CDHR2: variants seen among roughly 807,000 people sequenced by gnomAD.
CDHR2 encodes cadherin-related family member 2.
CDHR2 carries 104 observed loss-of-function variants against 138.6 expected under a neutral mutation model. The observed-to-expected ratio is 0.75, with a 90% confidence interval of 0.64 to 0.88. CDHR2 has a LOEUF of 0.88. CDHR2 is among the 40% of genes least tolerant of loss of function. The pLI, the probability that CDHR2 is intolerant of heterozygous loss-of-function variation, is 0.00. For missense variants in CDHR2, 1,624 were observed against 1,727.6 expected (o/e 0.94, Z 1.06); for synonymous variants, 755 against 742.8 (o/e 1.02, Z -0.27).
intron 1 of CDHR2, among the ~76,000 whole-genome samples, chr5:176,550,175 G>A (rs930171098): frequency 5.9e-5 from 9 of 152,248 alleles, no homozygotes; most frequent in African/African-American, 2.2e-4. Flanking sequence ...ATGGAAACAA[G>A]TCATGGCCCG....
At chr5:176,547,360 T>A (rs1218321071), upstream of CDHR2, 3 of 152,106 alleles carry the variant, frequency 2.0e-5, no homozygotes, top group Non-Finnish European at 2.9e-5. Flanking sequence ...AGAACCTGAT[T>A]CATGACCCAT....
At chr5:176,590,229 C>G (rs368195554) in intron 25 of CDHR2, 24 bp from the exon 26 acceptor site, 3 of 1,613,866 alleles carry the variant, frequency 1.9e-6, no homozygotes, top group Non-Finnish European at 2.5e-6. Context: ...AGGCTCCTGA[C>G]TCTTCAACTC....
chr5:176,569,192 T>C (rs1389007499), intron 5 of CDHR2, among the ~76,000 whole-genome samples, 182 bp downstream of exon 5: 1 of 152,056 alleles, frequency 6.6e-6, no homozygotes, highest in East Asian at 1.9e-4. Context: ...ATTTTTAAAA[T>C]TTATTTAAAT....
chr5:176,546,449 G>A (rs1195345438), upstream of CDHR2, among the ~76,000 whole-genome samples: 2 of 151,962 alleles, frequency 1.3e-5, no homozygotes, highest in Non-Finnish European at 1.5e-5. Context: ...TTGTGCTCAG[G>A]ACTTCAAATG....
At chr5:176,546,956 CTA>C (rs1757597556), upstream of CDHR2, among the ~76,000 whole-genome samples, 1 of 147,492 alleles carries the variant, frequency 6.8e-6, no homozygotes, top group African/African-American at 2.5e-5. Flanking sequence ...CAGAGCCTGG[CTA>C]TACGCAAAGT....
Position 176,575,824 on chromosome 5 carries a change from G to A in CDHR2, c.945G>A (p.Val315=), listed in dbSNP as rs1276733542. The A allele has an allele frequency of 5.2e-6, 8 of 1,550,846 alleles. No homozygotes were observed. Among genetic ancestry groups the A allele is most frequent in the Non-Finnish European group, 7.0e-6 (8 of 1,146,648 alleles). Residue 315 remains valine, a synonymous_variant, in exon 11 of 32, where the codon GTG becomes GTA. Coordinates refer to ENST00000261944, the MANE Select transcript of CDHR2 (RefSeq NM_017675.6). Reference sequence around the variant, plus strand: ...AGCTGCTGGAGGCGGATGAGGAGGTGCAGCTGCAGGTCACGGTGAGCAAAG... The same window carrying A: ...AGCTGCTGGAGGCGGATGAGGAGGTACAGCTGCAGGTCACGGTGAGCAAAG... ...REQLLEADEE[V]QLQVTATETH...
chr5:176,579,588 T>G (rs1345687560), intron 16 of CDHR2, among the ~76,000 whole-genome samples: 1 of 152,144 alleles, frequency 6.6e-6, no homozygotes, highest in Non-Finnish European at 1.5e-5. Flanking sequence ...ATGAATTAAC[T>G]GGCCTGAGTT....
intron 1 of CDHR2, among the ~76,000 whole-genome samples, chr5:176,552,275 T>C (rs1005556611): frequency 6.6e-6 from 1 of 152,218 alleles, no homozygotes; most frequent in Non-Finnish European, 1.5e-5. Context: ...GCTCCACAGC[T>C]GATCTGGGCC....
At chr5:176,567,198 T>TG in intron 3 of CDHR2, 1 of 345,646 alleles carries the variant, frequency 2.9e-6, no homozygotes, top group South Asian at 2.3e-5. Context: ...AGACAGGGTC[T>TG]GGCTCTGTCC....
chr5:176,594,883 G>A (rs1485484510), intron 31 of CDHR2, among the ~76,000 whole-genome samples: 1 of 152,212 alleles, frequency 6.6e-6, no homozygotes, highest in Non-Finnish European at 1.5e-5. Context: ...GCATGGCGAG[G>A]TGGAAGAGGA....
At chr5:176,588,654 AGTGT>A (rs1237528976) in intron 21 of CDHR2, among the ~76,000 whole-genome samples, 1 of 141,046 alleles carries the variant, frequency 7.1e-6, no homozygotes, top group East Asian at 2.1e-4. Flanking sequence ...TGAGTGGGAC[AGTGT>A]GTGAGAGTGT....
chr5:176,589,386 C>A lies in CDHR2; in HGVS notation c.3065C>A (p.Ala1022Asp). The change falls in exon 23 of 32, where the codon GCC (alanine) becomes GAC (aspartate). Residue 1022 changes from alanine (A) to aspartate (D), a missense_variant. Coordinates refer to ENST00000261944, the MANE Select transcript of CDHR2 (RefSeq NM_017675.6). ...GGCACCTACCAAGTGACAGTCCAGG[C>A]CAGGGACAGACCTTCCTTGGGTCCT... ...LQGTYQVTVQ[A>D]RDRPSLGPFL... The A allele has an allele frequency of 6.4e-7, 1 of 1,569,536 alleles. No individual in the cohort carries two copies.
In CDHR2 at chr5:176,584,593, AG is replaced by A. The variant is rs1219127542; in HGVS notation, c.2313del (p.Gln771HisfsTer6). ...PPDVSLDYETQPVFNLTVSAE... is the reference protein window; with the variant it reads ...PPDVSLDYETXPVFNLTVSAE... ...GACGTGAGCCTGGATTACGAGACAC[AG>A]CCCGTCTTCAACTTGACAGTGAGTG... On this transcript the variant is annotated frameshift_variant, in exon 19 of 32. Transcript: ENST00000261944. LOFTEE classifies it high-confidence loss of function. 5 of 1,607,450 alleles carry A rather than the reference AG, an allele frequency of 3.1e-6. No individual in the cohort carries two copies. The highest frequency in any genetic ancestry group is 1.1e-5 in the South Asian group (1 of 90,442).
At chr5:176,567,334 A>T (rs1186386787) in intron 3 of CDHR2, among the ~76,000 whole-genome samples, 4 of 151,550 alleles carry the variant, frequency 2.6e-5, no homozygotes, top group Non-Finnish European at 4.4e-5. Context: ...TGCCTAGCTA[A>T]TATTTTATTT....
chr5:176,593,463 T>C (rs893300558), intron 31 of CDHR2, among the ~76,000 whole-genome samples: 1 of 152,210 alleles, frequency 6.6e-6, no homozygotes, highest in Non-Finnish European at 1.5e-5. Flanking sequence ...GCAGGCACGG[T>C]GGACACCGCT....
chr5:176,595,717 AC>A lies in CDHR2; in HGVS notation c.*48del. On this transcript the variant is annotated 3_prime_UTR_variant, in exon 32 of 32. Coordinates refer to ENST00000261944, the MANE Select transcript of CDHR2 (RefSeq NM_017675.6). Reference sequence around the variant, plus strand: ...GGACCCCTTGAAGAGGCCCTACCACACCCTAACTGCACCTGTCTCCCTGGAG... The same window carrying A: ...GGACCCCTTGAAGAGGCCCTACCACACCTAACTGCACCTGTCTCCCTGGAG... 6.9e-7 allele frequency: 1 copy of A among 1,452,756 alleles called. No individual in the cohort carries two copies. Among genetic ancestry groups the A allele is most frequent in the Non-Finnish European group, 9.2e-7 (1 of 1,092,882 alleles). The allele number at this position is 1,452,756 out of a possible 1,614,324, so 90.0% of individuals were successfully genotyped here.
At position 176,581,955 on chromosome 5, in the gene CDHR2, A is replaced by T. The variant is rs115510146; in HGVS notation, c.2058+373A>T. ...GTGAAAATCAGCATTGCTGGTGTCT[A>T]TTGCACATCAGGGCATCCGCCAAGG... On this transcript the variant is annotated intron_variant, in intron 17 of 31. Coordinates refer to ENST00000261944, the MANE Select transcript of CDHR2 (RefSeq NM_017675.6). 4.8e-3 allele frequency among the ~76,000 whole-genome samples: 727 copies of T among 152,302 alleles called. 8 individuals are homozygous for T. The highest frequency in any genetic ancestry group is 0.017 in the African/African-American group (687 of 41,564).
At chr5:176,590,008 C>T (rs41275289) in intron 24 of CDHR2, 70 bp from the exon 25 acceptor site, 336 of 1,262,014 alleles carry the variant, frequency 2.7e-4, no homozygotes, top group Non-Finnish European at 3.6e-4. Context: ...TTCTTAATCC[C>T]ACTGGCACAG....
Position 176,576,122 on chromosome 5 carries a change from C to G in CDHR2, c.1131C>G (p.Asp377Glu). Residue 377 changes from aspartate to glutamate, a missense_variant, in exon 12 of 32, where the codon GAC (aspartate) becomes GAG (glutamate). Around this residue, in one of 3 missense-constraint regions of CDHR2, gnomAD observed 1,061 missense variants for 1,136.6 expected, o/e 0.93. Transcript: ENST00000261944. The surrounding 1 kb of genome is among the most constrained non-coding windows in gnomAD (Gnocchi z 4.5). ...EAQVNFTGYV[D>E]EHASPRIPID... ...AAGTGAACTTCACTGGCTACGTGGA[C>G]GAGCATGCCTCCCCCCGCATCCCCA... 1 of 1,614,094 alleles carries G rather than the reference C, an allele frequency of 6.2e-7. No homozygotes were observed. Among genetic ancestry groups the G allele is most frequent in the Non-Finnish European group, 8.5e-7 (1 of 1,180,038 alleles).
Sources: allele counts gnomAD v4.1 joint callset (sites outside exome capture counted in the v4.1 genomes callset), GRCh38; gene constraint gnomAD v4.1.1; regional missense constraint gnomAD v4.1.1; non-coding constraint Gnocchi (gnomAD v3.1); transcripts MANE v1.5; gene names NCBI Gene and HGNC (gene_info 2026-07-23, HGNC 2026-07-21).